RASGRF2: variants seen among roughly 807,000 people sequenced by gnomAD.
The protein encoded by RASGRF2 is ras-specific guanine nucleotide-releasing factor 2.
A neutral mutation model predicts 151.0 loss-of-function variants in RASGRF2; 76 were observed. The ratio of observed to expected loss-of-function variants is 0.50; its 90% confidence interval spans 0.42 to 0.61. The LOEUF is 0.61. Ranked by LOEUF, RASGRF2 falls within the 20% of genes least tolerant of loss-of-function variation. The pLI is 0.00. For synonymous variants in RASGRF2, 504 were observed against 566.5 expected (o/e 0.89, Z 1.57); for missense variants, 1,148 against 1,564.6 (o/e 0.73, Z 4.49).
In RASGRF2 at chr5:81,081,258, T is replaced by G. The variant is rs1031634257; in HGVS notation, c.1161+469T>G. Among the ~76,000 whole-genome samples the G allele has an allele frequency of 2.0e-5, 3 of 151,918 alleles. No homozygotes were observed. In the East Asian group the frequency reaches 5.8e-4, roughly 29 times the overall value. Reference sequence around the variant, plus strand: ...CCTTCCTGTCGCGGTTGCTGTTGAGTCTCCCCTCGGCTGGAGCCCTGGAGA... The same window carrying G: ...CCTTCCTGTCGCGGTTGCTGTTGAGGCTCCCCTCGGCTGGAGCCCTGGAGA... On this transcript the variant is annotated intron_variant, in intron 7 of 26. Coordinates refer to ENST00000265080, the MANE Select transcript of RASGRF2 (RefSeq NM_006909.3).
rs1359199563 is a variant in RASGRF2, at chr5:81,113,384, G to A, written c.2088-154G>A. The A allele has an allele frequency of 5.8e-6, 5 of 857,194 alleles. No individual in the cohort carries two copies. In the East Asian group the frequency reaches 1.1e-4, roughly 18 times the overall value. 53.1% of individuals were successfully genotyped at this position (857,194 alleles called of 1,614,324 possible). ...TGTCTGTGCTTCTTTGGCAGGTGGA[G>A]GGTATACATGTAGCATTTAGATTAA... On this transcript the variant is annotated intron_variant, in intron 14 of 26. Transcript: ENST00000265080.
intron 1 of RASGRF2, among the ~76,000 whole-genome samples, chr5:80,964,431 G>C (rs1747661694): frequency 6.6e-6 from 1 of 152,144 alleles, no homozygotes. Context: ...CTTGGTGGCT[G>C]TTATCCTCTC....
intron 17 of RASGRF2, among the ~76,000 whole-genome samples, chr5:81,128,128 T>C (rs1190542398): frequency 6.6e-6 from 1 of 152,072 alleles, no homozygotes; most frequent in African/African-American, 2.4e-5. Context: ...TACCAGGGGC[T>C]GGTGGGGAGG....
At chr5:81,080,098 T>C (rs780126440) in intron 5 of RASGRF2, 23 bp from the exon 6 acceptor site, 7 of 1,592,160 alleles carry the variant, frequency 4.4e-6, no homozygotes, top group Middle Eastern at 1.9e-4. Context: ...AACTAAATTA[T>C]ATTATTTTTC....
chr5:81,026,463 C>T (rs1750036669), intron 1 of RASGRF2, among the ~76,000 whole-genome samples: 1 of 152,112 alleles, frequency 6.6e-6, no homozygotes, highest in African/African-American at 2.4e-5. Context: ...CATATGTACC[C>T]ACACTGGAAC....
rs1751761560 is a variant in RASGRF2 at position 81,071,119 on chromosome 5, CTCT to C, written c.633+539_633+541del. Among the ~76,000 whole-genome samples, 5 of 152,286 alleles carry C rather than the reference CTCT, an allele frequency of 3.3e-5. No individual in the cohort carries two copies. In the South Asian group the frequency reaches 1.0e-3, roughly 32 times the overall value. On this transcript the variant is annotated intron_variant, in intron 4 of 26. Coordinates refer to ENST00000265080, the MANE Select transcript of RASGRF2 (RefSeq NM_006909.3). ...AACCAAATGCTGGCTCTCGCTCTCACTCTAGTCCACTGTGTTTTGATTTGTCAT... is the reference window on the plus strand; with the variant it reads ...AACCAAATGCTGGCTCTCGCTCTCACAGTCCACTGTGTTTTGATTTGTCAT...
intron 1 of RASGRF2, among the ~76,000 whole-genome samples, chr5:81,038,300 C>T (rs1272926377): frequency 1.3e-5 from 2 of 152,148 alleles, no homozygotes; most frequent in Non-Finnish European, 2.9e-5. Context: ...TTCCAAAGGG[C>T]TTGTGCCAAT....
intron 2 of RASGRF2, among the ~76,000 whole-genome samples, chr5:81,061,382 C>T (rs1272552138): frequency 2.0e-5 from 3 of 152,138 alleles, no homozygotes; most frequent in African/African-American, 7.2e-5. Context: ...TTGTCTTCTA[C>T]AATGACTCAC....
chr5:81,072,528 A>C (rs909054359), intron 4 of RASGRF2, among the ~76,000 whole-genome samples: 2 of 152,226 alleles, frequency 1.3e-5, no homozygotes, highest in African/African-American at 4.8e-5. Context: ...TTGTTGCTGA[A>C]TCTGCCACAT....
chr5:81,129,375 A>G (rs1407508297), intron 17 of RASGRF2, among the ~76,000 whole-genome samples: 3 of 151,950 alleles, frequency 2.0e-5, no homozygotes, highest in African/African-American at 7.2e-5. Context: ...TTTTTTTTCC[A>G]AATTGAGGAC....
intron 19 of RASGRF2, among the ~76,000 whole-genome samples, chr5:81,205,452 G>C (rs1755484439): frequency 6.6e-6 from 1 of 152,200 alleles, no homozygotes; most frequent in Non-Finnish European, 1.5e-5. Context: ...ACAATCCCTT[G>C]GAAGGGATCT....
intron 18 of RASGRF2, among the ~76,000 whole-genome samples, chr5:81,189,620 A>T (rs1755110478): frequency 6.6e-6 from 1 of 151,770 alleles, no homozygotes; most frequent in Non-Finnish European, 1.5e-5. Flanking sequence ...CCGCCTCCCA[A>T]AGTGCTGGGA....
intron 4 of RASGRF2, among the ~76,000 whole-genome samples, chr5:81,072,485 T>C (rs1168128913): frequency 6.6e-6 from 1 of 152,236 alleles, no homozygotes; most frequent in Admixed American, 6.5e-5. Context: ...AGTGATTTAA[T>C]ACTTTCAATT....
chr5:81,107,654 A>T (rs984663270), intron 12 of RASGRF2, among the ~76,000 whole-genome samples: 5 of 152,068 alleles, frequency 3.3e-5, no homozygotes, highest in African/African-American at 1.2e-4. Context: ...TATCTAAATC[A>T]TCTCTGATTT....
intron 17 of RASGRF2, among the ~76,000 whole-genome samples, chr5:81,171,666 C>G (rs1307285788): frequency 2.0e-5 from 3 of 152,050 alleles, no homozygotes; most frequent in African/African-American, 7.2e-5. Context: ...AAACTCTGAC[C>G]TGGAGTATTA....
intron 17 of RASGRF2, among the ~76,000 whole-genome samples, chr5:81,156,499 C>A (rs1286179662): frequency 1.3e-5 from 2 of 152,102 alleles, no homozygotes; most frequent in East Asian, 3.9e-4. Context: ...AAGTTTAACA[C>A]CATAACCAAA....
At chr5:81,023,283 A>G (rs1749895314) in intron 1 of RASGRF2, among the ~76,000 whole-genome samples, 1 of 152,230 alleles carries the variant, frequency 6.6e-6, no homozygotes, top group African/African-American at 2.4e-5. Flanking sequence ...ATTTAAAGAC[A>G]CAAACAAGGT....
At chr5:81,208,956 G>T (rs910908294) in intron 22 of RASGRF2, among the ~76,000 whole-genome samples, 1 of 152,120 alleles carries the variant, frequency 6.6e-6, no homozygotes, top group Admixed American at 6.5e-5. Context: ...GACATAAAAG[G>T]TTCACCTTTG....
chr5:81,059,454 A>G (rs1480306787), intron 2 of RASGRF2, among the ~76,000 whole-genome samples: 12 of 151,080 alleles, frequency 7.9e-5, no homozygotes, highest in South Asian at 4.2e-4. Flanking sequence ...GGACTGGGGG[A>G]AAACCTGAGA....
Sources: allele counts gnomAD v4.1 joint callset (sites outside exome capture counted in the v4.1 genomes callset), GRCh38; gene constraint gnomAD v4.1.1; transcripts MANE v1.5; gene names NCBI Gene and HGNC (gene_info 2026-07-23, HGNC 2026-07-21).